Variants in WDR70 observed in about 807,000 individuals in gnomAD.
WDR70 encodes WD repeat domain 70.
A neutral mutation model predicts 88.6 loss-of-function variants in WDR70; 53 were observed. The ratio of observed to expected loss-of-function variants is 0.60; its 90% CI spans 0.48 to 0.75. The LOEUF (loss-of-function observed/expected upper bound fraction) is 0.75. Among genes scored for constraint, WDR70 ranks in the 30% least tolerant of loss-of-function variants. The probability of loss-of-function intolerance (pLI) is 0.00; values close to 1 mark genes in which losing one functional copy is unlikely to be tolerated. For missense variants in WDR70, 610 were observed against 823.2 expected (o/e 0.74, Z 3.17); for synonymous variants, 280 against 270.0 (o/e 1.04, Z -0.36).
At chr5:37,588,824 C>T (rs1388713604) in intron 9 of WDR70, among the ~76,000 whole-genome samples, 1 of 151,920 alleles carries the variant, frequency 6.6e-6, no homozygotes, top group Non-Finnish European at 1.5e-5. Context: ...AGTGCAGTGG[C>T]GCAATCTCAG....
At chr5:37,559,036 C>T (rs1224893296) in intron 9 of WDR70, among the ~76,000 whole-genome samples, 1 of 151,712 alleles carries the variant, frequency 6.6e-6, no homozygotes. Context: ...CAGGTTCAAG[C>T]GATTCTCCTG....
chr5:37,486,059 T>C (rs1739858608), intron 8 of WDR70, among the ~76,000 whole-genome samples: 1 of 151,890 alleles, frequency 6.6e-6, no homozygotes, highest in Non-Finnish European at 1.5e-5. Flanking sequence ...AAGTAGGTGT[T>C]GGTAAGTTTA....
chr5:37,379,508 G>C lies in WDR70; in HGVS notation c.45G>C (p.Ser15=), dbSNP rs151067156. Residue 15 remains serine (S), a synonymous_variant, in exon 2 of 18, where the codon TCG becomes TCC. Coordinates refer to ENST00000265107, the MANE Select transcript of WDR70 (RefSeq NM_018034.4). ...GPSEVTGSDA[S]GPDPQLAVTM... ...CTCCAGTGACAGGCTCAGACGCGTC[G>C]GGACCGGACCCGCAGCTTGCGGTCA... 1.4e-4 allele frequency: 234 copies of C among 1,613,998 alleles called. 1 individual carries two copies. In the African/African-American group the frequency reaches 2.8e-3, roughly 19 times the overall value.
chr5:37,622,142 G>A (rs544203488), intron 10 of WDR70, among the ~76,000 whole-genome samples: 163 of 151,586 alleles, frequency 1.1e-3, no homozygotes, highest in African/African-American at 3.6e-3. Flanking sequence ...CCAAAACAGC[G>A]GCTCATCATC....
At chr5:37,624,100 T>C (rs960882028) in intron 10 of WDR70, among the ~76,000 whole-genome samples, 2 of 152,180 alleles carry the variant, frequency 1.3e-5, no homozygotes, top group Non-Finnish European at 2.9e-5. Flanking sequence ...TAATATTTAT[T>C]GTTAACTATA....
chr5:37,693,548 A>G (rs1746881304), intron 10 of WDR70, among the ~76,000 whole-genome samples: 1 of 151,730 alleles, frequency 6.6e-6, no homozygotes. Context: ...GGCCTCAGAA[A>G]TAACACATCT....
rs1748430859 is a variant in WDR70 at position 37,381,725 on chromosome 5, A to C, written c.175+40A>C. 1.9e-6 allele frequency: 3 copies of C among 1,573,434 alleles called. No homozygotes were observed. In the East Asian group the frequency reaches 6.9e-5, roughly 36 times the overall value. ...TATTTGTTCTTTTATTGGTTTAAGTACTATGTATACCTCATGCAAGTATAT... is the reference window on the plus strand; with the variant it reads ...TATTTGTTCTTTTATTGGTTTAAGTCCTATGTATACCTCATGCAAGTATAT... On this transcript the variant is annotated intron_variant, in intron 3 of 17. Coordinates refer to ENST00000265107, the MANE Select transcript of WDR70 (RefSeq NM_018034.4).
At chr5:37,642,897 T>C (rs1474613737) in intron 10 of WDR70, among the ~76,000 whole-genome samples, 1 of 152,206 alleles carries the variant, frequency 6.6e-6, no homozygotes, top group Admixed American at 6.5e-5. Flanking sequence ...TAATCCCTTG[T>C]CAGATGGGTA....
chr5:37,633,661 T>C (rs1252386671), intron 10 of WDR70, among the ~76,000 whole-genome samples: 1 of 152,116 alleles, frequency 6.6e-6, no homozygotes, highest in African/African-American at 2.4e-5. Flanking sequence ...ACATGAAATA[T>C]GTGTCGCAAA....
chr5:37,532,190 ATTC>A (rs1351282219), intron 9 of WDR70, among the ~76,000 whole-genome samples: 7 of 152,078 alleles, frequency 4.6e-5, no homozygotes. Flanking sequence ...AGCTCTGAAG[ATTC>A]TTTTTATTGT....
rs577353577 is a variant in WDR70 at position 37,690,899 on chromosome 5, T to C, written c.1093-6756T>C. ...TTATTAACGTTAAAGGTAAATGGGC[T>C]AAATGCCCCAATTAAAAGACACAGA... On this transcript the variant is annotated intron_variant, in intron 10 of 17. Coordinates refer to ENST00000265107, the MANE Select transcript of WDR70 (RefSeq NM_018034.4). Among the ~76,000 whole-genome samples, 7 of 152,244 alleles carry C rather than the reference T, an allele frequency of 4.6e-5. No homozygotes were observed. The East Asian group carries it at 1.4e-3, about 29-fold the overall frequency.
intron 17 of WDR70, among the ~76,000 whole-genome samples, chr5:37,738,029 TA>T (rs56082932): frequency 0.085 from 12,090 of 142,094 alleles, 1,517 homozygotes; most frequent in African/African-American, 0.28. Context: ...GCCTAATATT[TA>T]AAAAAAAAAA....
chr5:37,512,791 C>T (rs1260622958), intron 8 of WDR70, among the ~76,000 whole-genome samples: 2 of 151,540 alleles, frequency 1.3e-5, no homozygotes, highest in Non-Finnish European at 2.9e-5. Flanking sequence ...TGCCATGTTG[C>T]CCAGGCTGGT....
intron 9 of WDR70, among the ~76,000 whole-genome samples, chr5:37,595,122 T>C (rs1291104341): frequency 6.6e-6 from 1 of 152,222 alleles, no homozygotes; most frequent in Non-Finnish European, 1.5e-5. Flanking sequence ...CCTAACTGAA[T>C]ACGCTTTATT....
intron 9 of WDR70, among the ~76,000 whole-genome samples, chr5:37,601,647 G>A (rs1743886165): frequency 6.6e-6 from 1 of 152,034 alleles, no homozygotes; most frequent in Non-Finnish European, 1.5e-5. Flanking sequence ...GAAGTCATCA[G>A]GTCCTGGTTT....
chr5:37,386,599 T>G (rs1042115337), intron 3 of WDR70, among the ~76,000 whole-genome samples: 1 of 152,114 alleles, frequency 6.6e-6, no homozygotes, highest in African/African-American at 2.4e-5. Flanking sequence ...AAGTGAAGCT[T>G]TTTATTTTTA....
chr5:37,461,020 TTTG>T (rs1467715569), intron 7 of WDR70, among the ~76,000 whole-genome samples: 1 of 151,858 alleles, frequency 6.6e-6, no homozygotes, highest in Non-Finnish European at 1.5e-5. Flanking sequence ...ACTTTGGGTG[TTTG>T]TTTTTATTTT....
At chr5:37,526,243 T>G (rs1168491589) in intron 9 of WDR70, among the ~76,000 whole-genome samples, 1 of 152,134 alleles carries the variant, frequency 6.6e-6, no homozygotes, top group African/African-American at 2.4e-5. Flanking sequence ...AATAAAATAC[T>G]GACAAACCGA....
chr5:37,542,855 A>G (rs1741869868), intron 9 of WDR70, among the ~76,000 whole-genome samples: 3 of 152,200 alleles, frequency 2.0e-5, no homozygotes, highest in Admixed American at 6.5e-5. Context: ...ACAATTCTTC[A>G]TCTTTGCTTA....
Sources: allele counts gnomAD v4.1 joint callset (sites outside exome capture counted in the v4.1 genomes callset), GRCh38; gene constraint gnomAD v4.1.1; transcripts MANE v1.5; gene names NCBI Gene and HGNC (gene_info 2026-07-23, HGNC 2026-07-21).